The following ADAM9 variants were observed in gnomAD, a reference collection of about 807,000 sequenced individuals.
ADAM9 encodes disintegrin and metalloproteinase domain-containing protein 9.
In ADAM9, 54 loss-of-function variants were observed where a neutral mutation model predicts 108.1. That is an observed-to-expected ratio of 0.50 (90% CI 0.40 to 0.63). The LOEUF (loss-of-function observed/expected upper bound fraction) is 0.63. ADAM9 is among the 20% of genes least tolerant of loss of function. The probability of loss-of-function intolerance (pLI) is 0.00; values close to 1 mark genes in which losing one functional copy is unlikely to be tolerated. For missense variants in ADAM9, 830 were observed against 997.7 expected (o/e 0.83, Z 2.26); for synonymous variants, 316 against 336.0 (o/e 0.94, Z 0.65).
rs1838675261 is a variant in ADAM9 at position 39,071,185 on chromosome 8, G to A, written c.1592-113G>A. On this transcript the variant is annotated intron_variant, in intron 14 of 21. Coordinates refer to ENST00000487273, the MANE Select transcript of ADAM9 (RefSeq NM_003816.3). ...CAGGAAAGGTTTTCCACGGTGTTGA[G>A]GGGTATTGAGGCTGTTCATCCAGGT... is the stretch of plus-strand genomic sequence containing the variant. 4.5e-6 allele frequency: 4 copies of A among 879,838 alleles called. No individual in the cohort carries two copies. In the South Asian group the frequency reaches 6.0e-5, roughly 13 times the overall value. 54.5% of individuals were successfully genotyped at this position (879,838 alleles called of 1,614,324 possible).
intron 6 of ADAM9, 28 bp from the exon 7 acceptor site, chr8:39,018,825 G>A: frequency 1.2e-6 from 2 of 1,608,498 alleles, no homozygotes; most frequent in Non-Finnish European, 1.7e-6. Context: ...ACTTCCTTTT[G>A]CCTTTATGAT....
intron 12 of ADAM9, among the ~76,000 whole-genome samples, chr8:39,051,420 T>C (rs921342859): frequency 1.3e-5 from 2 of 152,210 alleles, no homozygotes; most frequent in Non-Finnish European, 2.9e-5. Flanking sequence ...GGGAATTGAT[T>C]AGTGTGTTAC....
In ADAM9 at chr8:39,055,546, T is replaced by C. The variant is rs761324230; in HGVS notation, c.1396-31T>C. The stretch of plus-strand genomic sequence containing the variant: ...TTAATTTGTGGACATTATCCTGATA[T>C]TTCTGTTTAATTTGAATTCTATTTC... On this transcript the variant is annotated intron_variant, in intron 13 of 21. Coordinates refer to ENST00000487273, the MANE Select transcript of ADAM9 (RefSeq NM_003816.3). The C allele has an allele frequency of 1.3e-5, 21 of 1,603,768 alleles. No homozygotes were observed. The East Asian group carries it at 1.6e-4, about 12-fold the overall frequency.
intron 1 of ADAM9, among the ~76,000 whole-genome samples, chr8:38,999,124 A>ATGTGG (rs953264537): frequency 3.3e-5 from 5 of 152,182 alleles, no homozygotes; most frequent in African/African-American, 1.2e-4. Context: ...TTCATACAAA[A>ATGTGG]TCAGCTGACC....
In ADAM9 at chr8:39,104,022, G is replaced by T; in HGVS notation, c.*322G>T. 1 of 521,646 alleles carries T rather than the reference G, an allele frequency of 1.9e-6. No individual in the cohort carries two copies. The highest frequency in any genetic ancestry group is 3.7e-6 in the Non-Finnish European group (1 of 272,064). 32.3% of individuals were successfully genotyped at this position (521,646 alleles called of 1,614,324 possible). A position where few individuals can be genotyped will look rare whatever the true frequency, so the allele number is the denominator to read the frequency against. On this transcript the variant is annotated 3_prime_UTR_variant, in exon 22 of 22. Transcript: ENST00000487273. ...CAGTGATTCTCAAATTAACTGTATT[G>T]GTGTAAGAGTTTTGTCATTAAGTGT...
In ADAM9 at chr8:39,045,343, CATGTGTGTACATACATATAG is replaced by C. The variant is rs1338527957; in HGVS notation, c.1302+3227_1302+3246del. On this transcript the variant is annotated intron_variant, in intron 12 of 21. Coordinates refer to ENST00000487273, the MANE Select transcript of ADAM9 (RefSeq NM_003816.3). ...CTATACATGTGTGTGTACACCTATACATGTGTGTACATACATATAGGTGTGTGTACATACACCTATAGGTG... is the reference window on the plus strand; with the variant it reads ...CTATACATGTGTGTGTACACCTATACGTGTGTGTACATACACCTATAGGTG... 2.7e-3 allele frequency among the ~76,000 whole-genome samples: 319 copies of C among 118,924 alleles called. 9 individuals are homozygous for C. The highest frequency in any genetic ancestry group is 3.9e-3 in the Non-Finnish European group (223 of 56,614). 78.0% of individuals were successfully genotyped at this position (118,924 alleles called of 152,430 possible).
chr8:39,048,589 T>C (rs1405633775), intron 12 of ADAM9, among the ~76,000 whole-genome samples: 1 of 152,134 alleles, frequency 6.6e-6, no homozygotes, highest in Non-Finnish European at 1.5e-5. Flanking sequence ...ATTAGTTTGA[T>C]TTGGTCTGTA....
intron 20 of ADAM9, among the ~76,000 whole-genome samples, chr8:39,101,648 G>A (rs1204060141): frequency 6.6e-6 from 1 of 151,928 alleles, no homozygotes; most frequent in Non-Finnish European, 1.5e-5. Context: ...TTTAGACTTG[G>A]GTCCCGTCCC....
chr8:39,049,565 A>G (rs913475328), intron 12 of ADAM9, among the ~76,000 whole-genome samples: 1 of 151,440 alleles, frequency 6.6e-6, no homozygotes, highest in African/African-American at 2.4e-5. Context: ...CAGCCTCCCA[A>G]GTAGCTGGGA....
intron 14 of ADAM9, among the ~76,000 whole-genome samples, chr8:39,057,967 C>A (rs977550265): frequency 5.3e-5 from 8 of 152,100 alleles, no homozygotes; most frequent in Admixed American, 3.3e-4. Context: ...TTAAACCATA[C>A]CAAATCTCCA....
intron 18 of ADAM9, among the ~76,000 whole-genome samples, chr8:39,083,403 G>A (rs6474529): frequency 0.8 from 121,041 of 152,168 alleles, 48,341 homozygotes; most frequent in East Asian, 0.94. Context: ...AATTCAGTGC[G>A]TCTGCATTGC....
At position 39,105,196 on chromosome 8, in the gene ADAM9, T is replaced by C. The variant is rs899213169; in HGVS notation, c.*1496T>C. ...TTTTGAAGAAGGCAAAAATTTCAGT[T>C]TTCTGAAGACAGCATGTTATTTTAA... On this transcript the variant is annotated 3_prime_UTR_variant, in exon 22 of 22. Transcript: ENST00000487273. The C allele has an allele frequency of 5.0e-5, 22 of 444,218 alleles. No individual in the cohort carries two copies. The Admixed American group carries it at 5.5e-4, about 11-fold the overall frequency. 27.5% of individuals were successfully genotyped at this position (444,218 alleles called of 1,614,324 possible). A position where few individuals can be genotyped will look rare whatever the true frequency, so the allele number is the denominator to read the frequency against.
intron 13 of ADAM9, 53 bp downstream of exon 13, chr8:39,054,626 A>T: frequency 7.0e-7 from 1 of 1,430,834 alleles, no homozygotes; most frequent in Non-Finnish European, 9.6e-7. Context: ...AAAAAAAGAA[A>T]ACCTGTGTAT....
intron 1 of ADAM9, among the ~76,000 whole-genome samples, chr8:38,998,175 C>T (rs1200101847): frequency 6.6e-6 from 1 of 152,218 alleles, no homozygotes; most frequent in African/African-American, 2.4e-5. Flanking sequence ...TGTTGACCTT[C>T]AGGAAACTAA....
chr8:39,055,237 A>G (rs1386439097), intron 13 of ADAM9, among the ~76,000 whole-genome samples: 1 of 152,140 alleles, frequency 6.6e-6, no homozygotes, highest in Non-Finnish European at 1.5e-5. Context: ...GCCAATCTAT[A>G]CTTCTACCAA....
At chr8:39,016,323 A>AT in intron 5 of ADAM9, 129 bp downstream of exon 5, 2 of 789,912 alleles carry the variant, frequency 2.5e-6, no homozygotes, top group Non-Finnish European at 4.4e-6. Context: ...GTTACTGAAC[A>AT]TTTTTACAGC....
At chr8:39,011,227 C>T (rs895005816) in intron 2 of ADAM9, among the ~76,000 whole-genome samples, 1 of 151,942 alleles carries the variant, frequency 6.6e-6, no homozygotes, top group African/African-American at 2.4e-5. Flanking sequence ...TGAGGTAAGC[C>T]CTGTAATTTG....
intron 12 of ADAM9, among the ~76,000 whole-genome samples, chr8:39,046,814 G>C (rs769673885): frequency 2.0e-5 from 3 of 151,646 alleles, no homozygotes; most frequent in African/African-American, 7.3e-5. Flanking sequence ...TGTTGCCCAG[G>C]CTGGACTGCA....
At chr8:39,021,938 A>G (rs1836753933) in intron 8 of ADAM9, among the ~76,000 whole-genome samples, 1 of 152,190 alleles carries the variant, frequency 6.6e-6, no homozygotes, top group Non-Finnish European at 1.5e-5. Context: ...ATTAGCATCT[A>G]CTTTATCTTC....
Sources: gnomAD v4.1 joint callset for allele counts (sites outside exome capture counted in the v4.1 genomes callset) on GRCh38, gnomAD v4.1.1 for gene constraint, MANE v1.5 for transcripts, NCBI Gene and HGNC (gene_info 2026-07-23, HGNC 2026-07-21) for gene names.